The following NAV1 variants were observed in gnomAD, a reference collection of about 807,000 sequenced individuals.
NAV1 encodes the protein pore membrane and/or filament interacting like protein 3.
NAV1 carries 18 observed loss-of-function variants against 175.2 expected under a neutral mutation model. That is an observed-to-expected ratio of 0.10 (90% confidence interval 0.07 to 0.15). NAV1 has a LOEUF of 0.15. Ranked by LOEUF, NAV1 falls within the 10% of genes least tolerant of loss-of-function variation. NAV1 has a pLI of 1.00. For missense variants in NAV1, 1,731 were observed against 2,436.6 expected, an observed-to-expected ratio of 0.71 and a Z score of 6.10; for synonymous variants, 897 against 978.7, an observed-to-expected ratio of 0.92 and a Z score of 1.56.
intron 29 of NAV1, among the ~76,000 whole-genome samples, chr1:201,818,460 G>A (rs1679195920): frequency 6.6e-6 from 1 of 151,672 alleles, no homozygotes; most frequent in Admixed American, 6.6e-5. Flanking sequence ...CCCGGGAGGT[G>A]GAGCTTGCAG....
At chr1:201,823,238 G>T (rs1309147057) in exon 30 of NAV1, 1 of 152,646 alleles carries the variant, frequency 6.6e-6, no homozygotes, top group Non-Finnish European at 1.5e-5. Context: ...CCTGAGCTGA[G>T]TCCCTTAATT....
At chr1:201,803,925 T>G (rs1678108939) in intron 16 of NAV1, 1 of 607,586 alleles carries the variant, frequency 1.6e-6, no homozygotes, top group South Asian at 1.6e-5. Context: ...CTCTGACCTT[T>G]ATATGCATCT....
At position 201,718,583 on chromosome 1, in the gene NAV1, G is replaced by A. The variant is rs760085745; in HGVS notation, c.1054G>A (p.Ala352Thr). 1.2e-6 allele frequency: 2 copies of A among 1,614,012 alleles called. No individual in the cohort carries two copies. Among genetic ancestry groups the A allele is most frequent in the Non-Finnish European group, 1.7e-6 (2 of 1,180,038 alleles). Reference sequence around the variant, plus strand: ...CGCCTGGTACATGCACGGCGAACGGGCCCACTACTCCCACACCATGCCCAT... The same window carrying A: ...CGCCTGGTACATGCACGGCGAACGGACCCACTACTCCCACACCATGCCCAT... Residue 352 changes from alanine to threonine, a missense_variant, in exon 3 of 30, where the codon GCC becomes ACC. Ala to Thr is a moderately conservative substitution (Grantham distance 58). This residue lies in a region of NAV1 where 487 missense variants were observed against 581.3 expected (regional missense o/e 0.84). Transcript: ENST00000367296. This position sits in a 1 kb window ranked among gnomAD's most constrained non-coding sequence, Gnocchi z 4.8.
At chr1:201,623,027 T>A in exon 1 of NAV1, 1 of 985,992 alleles carries the variant, frequency 1.0e-6, no homozygotes, top group Non-Finnish European at 1.2e-6. Flanking sequence ...GGCCTGGCCC[T>A]GAGCCCACAG....
chr1:201,794,477 G>T, exon 15 of NAV1: 1 of 1,613,274 alleles, frequency 6.2e-7, no homozygotes, highest in Non-Finnish European at 8.5e-7. Flanking sequence ...ACACTGAGCT[G>T]CTGGATTTGC....
chr1:201,808,242 G>A lies in NAV1; in HGVS notation c.3845+93G>A, dbSNP rs1347686014. 14 of 1,473,894 alleles carry A rather than the reference G, an allele frequency of 9.5e-6. No homozygotes were observed. Among genetic ancestry groups the A allele is most frequent in the Non-Finnish European group, 1.3e-5 (14 of 1,072,650 alleles). The allele number at this position is 1,473,894 out of a possible 1,614,324, so 91.3% of individuals were successfully genotyped here. ...GAGGCCATTAGACCTTAGACAAGCAGTACTTATTACTGACCTCTCCCTGGG... is the reference window on the plus strand; with the variant it reads ...GAGGCCATTAGACCTTAGACAAGCAATACTTATTACTGACCTCTCCCTGGG... On this transcript the variant is annotated intron_variant, in intron 18 of 29. Transcript: ENST00000367296. This position sits in a 1 kb window ranked among gnomAD's most constrained non-coding sequence, Gnocchi z 5.5.
chr1:201,726,648 C>CAAA lies in NAV1; in HGVS notation c.1226+7909_1226+7911dup, dbSNP rs369489372. ...GGGCAACAAGAGCAAAACTCCATCT[C>CAAA]AAAAAAAAAAAAAAAAAATAGAAAT... is the stretch of plus-strand genomic sequence containing the variant. On this transcript the variant is annotated intron_variant, in intron 3 of 29. Transcript: ENST00000367296. Among the ~76,000 whole-genome samples, 693 of 109,988 alleles carry CAAA rather than the reference C, an allele frequency of 6.3e-3. 9 individuals carry two copies. The highest frequency in any genetic ancestry group is 9.0e-3 in the Admixed American group (94 of 10,500). The allele number at this position is 109,988 out of a possible 152,430, so 72.2% of individuals were successfully genotyped here.
At chr1:201,755,505 G>A (rs2102611878) in intron 3 of NAV1, among the ~76,000 whole-genome samples, 1 of 152,278 alleles carries the variant, frequency 6.6e-6, no homozygotes, top group South Asian at 2.1e-4. Context: ...ACTTATTTTA[G>A]CTTAACTTAG....
intron 1 of NAV1, among the ~76,000 whole-genome samples, chr1:201,552,035 G>A (rs1665869646): frequency 6.6e-6 from 1 of 152,218 alleles, no homozygotes; most frequent in African/African-American, 2.4e-5. Context: ...GAAATCAGGG[G>A]CCGTAGGGAG....
intron 2 of NAV1, among the ~76,000 whole-genome samples, chr1:201,617,400 C>A (rs1049698338): frequency 2.6e-5 from 4 of 152,190 alleles, no homozygotes; most frequent in African/African-American, 9.7e-5. Context: ...TGCTGACAGG[C>A]AAGCTCTTTG....
intron 1 of NAV1, among the ~76,000 whole-genome samples, chr1:201,663,057 T>C (rs1461169931): frequency 6.6e-6 from 1 of 152,248 alleles, no homozygotes; most frequent in Non-Finnish European, 1.5e-5. Flanking sequence ...ACTGGCTGCT[T>C]CTGCCCCCGG....
At chr1:201,783,281 T>C in intron 6 of NAV1, 125 bp from the exon 11 acceptor site, 1 of 983,746 alleles carries the variant, frequency 1.0e-6, no homozygotes, top group Non-Finnish European at 1.5e-6. Context: ...ACAACAGCAT[T>C]AGGATAAGCC....
At chr1:201,598,129 G>A (rs992914582) in intron 2 of NAV1, among the ~76,000 whole-genome samples, 10 of 152,252 alleles carry the variant, frequency 6.6e-5, no homozygotes, top group African/African-American at 2.2e-4. Context: ...AGCAGCCAAC[G>A]CTATGTACAC....
At position 201,557,981 on chromosome 1, in the gene NAV1, A is replaced by C. The variant is rs1459667696; in HGVS notation, c.-144+18639A>C. Among the ~76,000 whole-genome samples, 3 of 152,138 alleles carry C rather than the reference A, an allele frequency of 2.0e-5. No individual in the cohort carries two copies. The East Asian group carries it at 5.8e-4, about 29-fold the overall frequency. Reference sequence around the variant, plus strand: ...GGAGGCCTGGACTCCAAAAAACAAAAACAGAAACCAGGGATAAGAATAAGG... The same window carrying C: ...GGAGGCCTGGACTCCAAAAAACAAACACAGAAACCAGGGATAAGAATAAGG... On this transcript the variant is annotated intron_variant, in intron 1 of 33. Transcript: ENST00000685211.
At chr1:201,591,569 G>A (rs1667195233) in intron 2 of NAV1, among the ~76,000 whole-genome samples, 1 of 152,190 alleles carries the variant, frequency 6.6e-6, no homozygotes, top group South Asian at 2.1e-4. Context: ...CAGAAAATAA[G>A]TGTGTGTAAA....
chr1:201,580,168 A>G (rs511201), intron 1 of NAV1, among the ~76,000 whole-genome samples: 57,493 of 152,114 alleles, frequency 0.38, 12,419 homozygotes, highest in African/African-American at 0.58. Flanking sequence ...GACCCTTAGC[A>G]GATTAGATGG....
intron 2 of NAV1, among the ~76,000 whole-genome samples, chr1:201,632,109 G>T (rs1043563023): frequency 3.3e-5 from 5 of 152,194 alleles, no homozygotes; most frequent in Non-Finnish European, 5.9e-5. Context: ...AATGGGTTTG[G>T]GGGGTGAGTG....
intron 1 of NAV1, among the ~76,000 whole-genome samples, chr1:201,655,762 T>A (rs1235183784): frequency 1.3e-5 from 2 of 152,224 alleles, no homozygotes; most frequent in Non-Finnish European, 2.9e-5. Context: ...CTGGCATGGC[T>A]GTCCAGTGTG....
At position 201,812,063 on chromosome 1, in the gene NAV1, G is replaced by C. The variant is rs377616471; in HGVS notation, c.5024+89G>C. On this transcript the variant is annotated intron_variant, in intron 26 of 29. Transcript: ENST00000367296. This position sits in a 1 kb window ranked among gnomAD's most constrained non-coding sequence, Gnocchi z 4.6. ...GGCCAGGAGGCAGTAGATAGGAGAA[G>C]GAAAGAGAAGTATCCAGAGCTTTTT... 8 of 1,241,976 alleles carry C rather than the reference G, an allele frequency of 6.4e-6. No homozygotes were observed. The highest frequency in any genetic ancestry group is 4.6e-5 in the East Asian group (2 of 43,078). The allele number at this position is 1,241,976 out of a possible 1,614,324, so 76.9% of individuals were successfully genotyped here.
Sources: allele counts gnomAD v4.1 joint callset (sites outside exome capture counted in the v4.1 genomes callset), GRCh38; gene constraint gnomAD v4.1.1; regional missense constraint gnomAD v4.1.1; non-coding constraint Gnocchi (gnomAD v3.1); transcripts MANE v1.5; gene names NCBI Gene and HGNC (gene_info 2026-07-23, HGNC 2026-07-21).